Variants in WDR41 observed in about 807,000 individuals in gnomAD.
The protein encoded by WDR41 is WD repeat domain 41.
WDR41 carries 63 observed loss-of-function variants against 69.3 expected under a neutral mutation model. That is an observed-to-expected ratio of 0.91 (90% CI 0.74 to 1.12). WDR41 has a LOEUF of 1.12. Among genes scored for constraint, WDR41 ranks in the 50% most tolerant of loss-of-function variants. The pLI, the probability that WDR41 is intolerant of heterozygous loss-of-function variation, is 0.00. For missense variants in WDR41, 543 were observed against 534.5 expected, an observed-to-expected ratio of 1.02 and a Z score of -0.16; for synonymous variants, 185 against 192.1, an observed-to-expected ratio of 0.96 and a Z score of 0.31.
At chr5:77,528,331 C>A (rs1802478526) in intron 1 of WDR41, among the ~76,000 whole-genome samples, 1 of 151,614 alleles carries the variant, frequency 6.6e-6, no homozygotes, top group South Asian at 2.1e-4. Context: ...TTAGAAAATA[C>A]AATTTACCAA....
At chr5:77,434,157 C>T (rs1798844745) in intron 12 of WDR41, among the ~76,000 whole-genome samples, 1 of 151,940 alleles carries the variant, frequency 6.6e-6, no homozygotes. Flanking sequence ...ATGGTGAAAC[C>T]CTGTCTATAC....
chr5:77,442,894 C>CAAAAAAAAAAAAAAAAAAAAA (rs60442242), intron 8 of WDR41, among the ~76,000 whole-genome samples: 23 of 56,260 alleles, frequency 4.1e-4, no homozygotes, highest in African/African-American at 2.2e-3. Context: ...TCTGTCTCCC[C>CAAAAAAAAAAAAAAAAAAAAA]AAAAAAAAAA....
At chr5:77,581,314 T>C (rs538759985) in intron 1 of WDR41, among the ~76,000 whole-genome samples, 7 of 152,322 alleles carry the variant, frequency 4.6e-5, no homozygotes, top group African/African-American at 1.2e-4. Context: ...GATATAATTA[T>C]AGGCATATAT....
chr5:77,454,154 G>T (rs1561738750), intron 5 of WDR41, among the ~76,000 whole-genome samples: 2 of 152,148 alleles, frequency 1.3e-5, no homozygotes. Context: ...AAGATACTGT[G>T]GCCTCCTCCT....
intron 1 of WDR41, among the ~76,000 whole-genome samples, chr5:77,608,910 GGGT>G (rs1744482288): frequency 1.3e-5 from 2 of 152,214 alleles, no homozygotes. Context: ...TCAAAGAAAG[GGGT>G]GACAGACGGC....
At chr5:77,576,122 T>A (rs1464619126) in intron 1 of WDR41, among the ~76,000 whole-genome samples, 1 of 152,162 alleles carries the variant, frequency 6.6e-6, no homozygotes, top group African/African-American at 2.4e-5. Flanking sequence ...AATAACTGTT[T>A]GCGATATGAC....
At chr5:77,583,849 A>G (rs1393720940) in intron 1 of WDR41, among the ~76,000 whole-genome samples, 1 of 152,228 alleles carries the variant, frequency 6.6e-6, no homozygotes, top group Non-Finnish European at 1.5e-5. Flanking sequence ...ATATGGATGC[A>G]AAAATTCTCA....
At chr5:77,469,796 G>A (rs942097518) in intron 2 of WDR41, among the ~76,000 whole-genome samples, 1 of 152,130 alleles carries the variant, frequency 6.6e-6, no homozygotes, top group East Asian at 1.9e-4. Context: ...CCAAATCTAC[G>A]TCTGATTGGT....
intron 1 of WDR41, among the ~76,000 whole-genome samples, chr5:77,547,847 A>G (rs1388076527): frequency 6.6e-6 from 1 of 152,176 alleles, no homozygotes; most frequent in Non-Finnish European, 1.5e-5. Context: ...CAAAAAGAAC[A>G]AATCTGGAGA....
At chr5:77,442,893 C>CAAAAAAAAAAA (rs1268940980) in intron 8 of WDR41, among the ~76,000 whole-genome samples, 1 of 18,332 alleles carries the variant, frequency 5.5e-5, no homozygotes, top group Non-Finnish European at 7.8e-5. Flanking sequence ...CTCTGTCTCC[C>CAAAAAAAAAAA]CAAAAAAAAA....
chr5:77,446,307 A>G (rs1799377067), intron 8 of WDR41, among the ~76,000 whole-genome samples: 1 of 152,238 alleles, frequency 6.6e-6, no homozygotes, highest in South Asian at 2.1e-4. Context: ...TTTCATCCTC[A>G]TAGATAGGAA....
At chr5:77,486,557 C>T (rs1801531569) in intron 2 of WDR41, among the ~76,000 whole-genome samples, 1 of 152,204 alleles carries the variant, frequency 6.6e-6, no homozygotes, top group African/African-American at 2.4e-5. Context: ...GCAGCAAACA[C>T]GAGGCAAGCT....
At position 77,456,037 on chromosome 5, in the gene WDR41, G is replaced by A. The variant is rs1046733399; in HGVS notation, c.412-2109C>T. The stretch of plus-strand genomic sequence containing the variant: ...TTTTGATAAAGATTGGGTTCAATCT[G>A]TAGATCAATGTGGGTAGTGGTGGAA... On this transcript the variant is annotated intron_variant, in intron 5 of 12. Coordinates refer to ENST00000296679, the MANE Select transcript of WDR41 (RefSeq NM_018268.4). 4.6e-5 allele frequency among the ~76,000 whole-genome samples: 7 copies of A among 151,802 alleles called. No homozygotes were observed. The East Asian group carries it at 1.2e-3, about 25-fold the overall frequency.
At chr5:77,533,144 A>G (rs1467404576) in intron 1 of WDR41, among the ~76,000 whole-genome samples, 1 of 152,212 alleles carries the variant, frequency 6.6e-6, no homozygotes, top group Non-Finnish European at 1.5e-5. Flanking sequence ...TTCCCATGAA[A>G]TTCAGTAGGC....
At chr5:77,514,508 T>C (rs904666254) in intron 1 of WDR41, among the ~76,000 whole-genome samples, 2 of 152,196 alleles carry the variant, frequency 1.3e-5, no homozygotes, top group East Asian at 1.9e-4. Flanking sequence ...GTCTTCCCCA[T>C]AAGGTGTAAG....
chr5:77,524,243 A>G lies in WDR41; in HGVS notation c.43-34671T>C, dbSNP rs542449963. On this transcript the variant is annotated intron_variant, in intron 1 of 5. Transcript: ENST00000509971. ...CTTTTATTATTACATTGGGAATTTTATATGTCTTAGGTCAGCACAACTTGG... is the reference window on the plus strand; with the variant it reads ...CTTTTATTATTACATTGGGAATTTTGTATGTCTTAGGTCAGCACAACTTGG... Among the ~76,000 whole-genome samples, 19 of 152,294 alleles carry G rather than the reference A, an allele frequency of 1.2e-4. No homozygotes were observed. The East Asian group carries it at 3.7e-3, about 29-fold the overall frequency.
At chr5:77,451,856 T>C (rs1432616579) in intron 6 of WDR41, 1 of 152,858 alleles carries the variant, frequency 6.5e-6, no homozygotes, top group Non-Finnish European at 1.5e-5. Flanking sequence ...ATTTTTCTTC[T>C]ATTAATGAAA....
intron 1 of WDR41, among the ~76,000 whole-genome samples, chr5:77,593,985 C>T (rs11959866): frequency 6.6e-6 from 1 of 151,562 alleles, no homozygotes; most frequent in Non-Finnish European, 1.5e-5. Flanking sequence ...AGAAAGGGGG[C>T]AGGACTACCT....
intron 1 of WDR41, among the ~76,000 whole-genome samples, chr5:77,591,476 G>T (rs1231884292): frequency 6.6e-6 from 1 of 151,974 alleles, no homozygotes; most frequent in Non-Finnish European, 1.5e-5. Flanking sequence ...CTAATTTCAT[G>T]AGATAGATAC....
Sources: allele counts gnomAD v4.1 joint callset (sites outside exome capture counted in the v4.1 genomes callset), GRCh38; gene constraint gnomAD v4.1.1; transcripts MANE v1.5; gene names NCBI Gene and HGNC (gene_info 2026-07-23, HGNC 2026-07-21).